Variants in CCSER1 observed in about 807,000 individuals in gnomAD.
The protein encoded by CCSER1 is serine-rich coiled-coil domain-containing protein 1.
A neutral mutation model predicts 82.0 loss-of-function variants in CCSER1; 41 were observed. The ratio of observed to expected loss-of-function variants is 0.50; its 90% confidence interval spans 0.39 to 0.65. The LOEUF (loss-of-function observed/expected upper bound fraction) is 0.65. CCSER1 is among the 30% of genes least tolerant of loss of function. The pLI, the probability that CCSER1 is intolerant of heterozygous loss-of-function variation, is 0.00. For missense variants in CCSER1, 1,119 were observed against 1,064.2 expected (o/e 1.05, Z -0.72); for synonymous variants, 414 against 383.9 (o/e 1.08, Z -0.92).
intron 7 of CCSER1, among the ~76,000 whole-genome samples, chr4:90,735,790 A>G (rs1391369322): frequency 6.6e-6 from 1 of 151,822 alleles, no homozygotes; most frequent in Non-Finnish European, 1.5e-5. Flanking sequence ...TTTAAAATGC[A>G]TTGTTAGGTT....
At position 90,454,365 on chromosome 4, in the gene CCSER1, C is replaced by T. The variant is rs575161051; in HGVS notation, c.1604-13869C>T. On this transcript the variant is annotated intron_variant, in intron 4 of 10. Coordinates refer to ENST00000509176, the MANE Select transcript of CCSER1 (RefSeq NM_001145065.2). ...CTTCCTTCTGATGTCTGGGGCTGCC[C>T]GAGTAATAAACTTATCCTTCAGGTT... Among the ~76,000 whole-genome samples the T allele has an allele frequency of 1.6e-4, 25 of 151,856 alleles. No homozygotes were observed. The East Asian group carries it at 3.7e-3, about 22-fold the overall frequency.
intron 10 of CCSER1, among the ~76,000 whole-genome samples, chr4:91,151,506 C>T (rs1378386788): frequency 6.6e-6 from 1 of 151,856 alleles, no homozygotes; most frequent in Non-Finnish European, 1.5e-5. Flanking sequence ...TATTTCTTAC[C>T]TTCTGCTCGC....
chr4:90,496,010 T>A (rs1768935877), intron 5 of CCSER1, among the ~76,000 whole-genome samples: 1 of 152,228 alleles, frequency 6.6e-6, no homozygotes. Flanking sequence ...TTTATTATGG[T>A]TATTTGCTCA....
chr4:91,537,590 G>A (rs997400331), intron 10 of CCSER1, among the ~76,000 whole-genome samples: 2 of 151,838 alleles, frequency 1.3e-5, no homozygotes, highest in African/African-American at 2.4e-5. Context: ...GGTTCGAGAA[G>A]TCATTAAAGT....
intron 7 of CCSER1, among the ~76,000 whole-genome samples, chr4:90,725,983 C>G (rs1030329377): frequency 6.6e-6 from 1 of 151,882 alleles, no homozygotes; most frequent in African/African-American, 2.4e-5. Context: ...CTCTTAACCT[C>G]TTAGCTTACT....
chr4:90,723,451 T>C (rs900337335), intron 6 of CCSER1, among the ~76,000 whole-genome samples: 22 of 151,902 alleles, frequency 1.4e-4, no homozygotes, highest in African/African-American at 5.1e-4. Context: ...TAATTGTATA[T>C]TATGGCAGAT....
chr4:91,446,234 G>T (rs1424711222), intron 10 of CCSER1, among the ~76,000 whole-genome samples: 1 of 151,898 alleles, frequency 6.6e-6, no homozygotes, highest in African/African-American at 2.4e-5. Context: ...GATAAGGATA[G>T]GATTTTAGCA....
chr4:90,210,124 A>G (rs1023389825), intron 1 of CCSER1, among the ~76,000 whole-genome samples: 1 of 152,208 alleles, frequency 6.6e-6, no homozygotes, highest in Non-Finnish European at 1.5e-5. Context: ...ATGGCCCAAG[A>G]AACAGCTATG....
chr4:90,984,218 T>C (rs1420436546), intron 9 of CCSER1, among the ~76,000 whole-genome samples: 1 of 151,826 alleles, frequency 6.6e-6, no homozygotes, highest in Admixed American at 6.6e-5. Context: ...GGTGCGTTGT[T>C]GAGAAAGTGC....
At chr4:90,902,596 C>T (rs1287233851) in intron 8 of CCSER1, among the ~76,000 whole-genome samples, 1 of 151,974 alleles carries the variant, frequency 6.6e-6, no homozygotes, top group East Asian at 1.9e-4. Flanking sequence ...GGGCTAGCTT[C>T]TGGCTTTTTC....
intron 5 of CCSER1, among the ~76,000 whole-genome samples, chr4:90,508,146 A>G (rs1770969692): frequency 6.6e-6 from 1 of 152,076 alleles, no homozygotes; most frequent in African/African-American, 2.4e-5. Context: ...ATGGATGCAC[A>G]AGAATTTTTA....
intron 10 of CCSER1, among the ~76,000 whole-genome samples, chr4:91,559,846 A>G (rs1320398854): frequency 1.3e-5 from 2 of 151,486 alleles, no homozygotes; most frequent in African/African-American, 4.8e-5. Context: ...TTAGTGATCT[A>G]AATAAAAATG....
intron 5 of CCSER1, among the ~76,000 whole-genome samples, chr4:90,593,634 C>A (rs952365381): frequency 2.0e-5 from 3 of 151,840 alleles, no homozygotes; most frequent in Admixed American, 6.6e-5. Flanking sequence ...TCGATAGAGG[C>A]TCTTTAAATT....
chr4:91,509,437 G>A (rs751408003), intron 10 of CCSER1, among the ~76,000 whole-genome samples: 1 of 151,924 alleles, frequency 6.6e-6, no homozygotes, highest in Non-Finnish European at 1.5e-5. Context: ...TCTGCTTGAA[G>A]AATATATTTT....
At chr4:90,545,276 A>G (rs1030498130) in intron 5 of CCSER1, among the ~76,000 whole-genome samples, 1 of 152,116 alleles carries the variant, frequency 6.6e-6, no homozygotes, top group Non-Finnish European at 1.5e-5. Context: ...GACCAAATTT[A>G]GAAGGTTTTT....
intron 8 of CCSER1, among the ~76,000 whole-genome samples, chr4:90,818,270 CTTTT>C (rs1034995342): frequency 2.1e-5 from 3 of 145,798 alleles, no homozygotes; most frequent in Non-Finnish European, 4.5e-5. Flanking sequence ...TTTTTCTTTT[CTTTT>C]TTTTCTTTTT....
intron 1 of CCSER1, among the ~76,000 whole-genome samples, chr4:90,141,723 G>A (rs1233214773): frequency 3.3e-5 from 5 of 152,176 alleles, no homozygotes; most frequent in East Asian, 1.9e-4. Flanking sequence ...CAACTTTGCC[G>A]ATGAAATGTC....
At chr4:90,373,839 C>T (rs1324895976) in intron 3 of CCSER1, among the ~76,000 whole-genome samples, 1 of 152,176 alleles carries the variant, frequency 6.6e-6, no homozygotes, top group Non-Finnish European at 1.5e-5. Flanking sequence ...AGTATGTTTA[C>T]TACCCATGGT....
chr4:90,250,591 A>G (rs996937315), intron 1 of CCSER1, among the ~76,000 whole-genome samples: 27 of 152,240 alleles, frequency 1.8e-4, no homozygotes, highest in African/African-American at 6.0e-4. Context: ...TTATGCCAGT[A>G]TCACAGTGTC....
Sources: allele counts gnomAD v4.1 joint callset (sites outside exome capture counted in the v4.1 genomes callset), GRCh38; gene constraint gnomAD v4.1.1; transcripts MANE v1.5; gene names NCBI Gene and HGNC (gene_info 2026-07-23, HGNC 2026-07-21).